Variants in SCNN1B observed in about 807,000 individuals in gnomAD.
SCNN1B encodes the protein sodium channel epithelial 1 subunit beta, also known as epithelial sodium channel subunit beta.
A neutral mutation model predicts 65.3 loss-of-function variants in SCNN1B; 46 were observed. The observed-to-expected ratio is 0.70, with a 90% confidence interval of 0.56 to 0.90. The LOEUF is 0.90. SCNN1B is among the 40% of genes least tolerant of loss of function. The pLI is 0.00. For synonymous variants in SCNN1B, 349 were observed against 330.6 expected, an observed-to-expected ratio of 1.06 and a Z score of -0.60; for missense variants, 751 against 830.5, an observed-to-expected ratio of 0.90 and a Z score of 1.18.
At chr16:23,337,371 TTTC>T (rs1961963722) in intron 1 of SCNN1B, among the ~76,000 whole-genome samples, 1 of 121,200 alleles carries the variant, frequency 8.3e-6, no homozygotes, top group African/African-American at 4.2e-5. Context: ...TTTCTCTTTC[TTTC>T]TTTTTTTTTT....
intron 2 of SCNN1B, among the ~76,000 whole-genome samples, chr16:23,290,387 A>C (rs1450480931): frequency 1.3e-5 from 2 of 152,182 alleles, no homozygotes; most frequent in African/African-American, 4.8e-5. Context: ...GGCTCACTGC[A>C]GCCTCAACCT....
rs937111643 is a variant in SCNN1B, at chr16:23,337,440, C to G, written c.-8-11152C>G. Among the ~76,000 whole-genome samples the G allele has an allele frequency of 2.1e-5, 3 of 142,818 alleles. No individual in the cohort carries two copies. In the Admixed American group the frequency reaches 2.2e-4, roughly 10 times the overall value. The allele number at this position is 142,818 out of a possible 152,430, so 93.7% of individuals were successfully genotyped here. A position where few individuals can be genotyped will look rare whatever the true frequency, so the allele number is the denominator to read the frequency against. On this transcript the variant is annotated intron_variant, in intron 1 of 12. Transcript: ENST00000343070. ...CCAGGCTGGAGTGCAGTGGTATGAT[C>G]TCGGCTCACTGCAACCTCCACCTCC...
intron 4 of SCNN1B, among the ~76,000 whole-genome samples, chr16:23,364,237 T>C (rs1255210090): frequency 6.6e-6 from 1 of 152,196 alleles, no homozygotes; most frequent in Non-Finnish European, 1.5e-5. Flanking sequence ...GAAAATTCTA[T>C]TACTATTAGT....
intron 2 of SCNN1B, among the ~76,000 whole-genome samples, chr16:23,293,231 A>G (rs1327312890): frequency 4.6e-5 from 7 of 151,836 alleles, no homozygotes; most frequent in Admixed American, 4.6e-4. Flanking sequence ...TAGGAGCATT[A>G]TTCACAGTCG....
At chr16:23,356,624 TTAA>T (rs1442603379) in intron 4 of SCNN1B, among the ~76,000 whole-genome samples, 1 of 42,778 alleles carries the variant, frequency 2.3e-5, no homozygotes, top group Non-Finnish European at 3.6e-5. Context: ...ACCCTGTCTC[TTAA>T]AAAAAAAAAA....
chr16:23,288,618 A>T (rs1960883916), intron 2 of SCNN1B, among the ~76,000 whole-genome samples: 1 of 152,166 alleles, frequency 6.6e-6, no homozygotes, highest in Non-Finnish European at 1.5e-5. Context: ...AGCCTGAGCA[A>T]CATGGCGAAA....
chr16:23,302,442 G>C lies in SCNN1B; in HGVS notation c.-9+5G>C, dbSNP rs1350392876. The C allele has an allele frequency of 1.9e-5, 3 of 154,444 alleles. No homozygotes were observed. The highest frequency in any genetic ancestry group is 7.2e-5 in the African/African-American group (3 of 41,492). The allele number at this position is 154,444 out of a possible 1,614,324, so 9.6% of individuals were successfully genotyped here. A position where few individuals can be genotyped will look rare whatever the true frequency, so the allele number is the denominator to read the frequency against. The stretch of plus-strand genomic sequence containing the variant: ...CCCGCTCCGCCGCCCGAGCAGGTAT[G>C]ACGGCGAACCCTGGCTCGCACCCGG... On this transcript the variant is annotated splice_donor_5th_base_variant and intron_variant, in intron 1 of 12. Coordinates refer to ENST00000343070, the MANE Select transcript of SCNN1B (RefSeq NM_000336.3).
rs72654338 is a variant in SCNN1B at position 23,367,959 on chromosome 16, G to T, written c.880G>T (p.Gly294Cys). The change falls in exon 5 of 13, where the codon GGC (glycine) becomes TGC (cysteine). Residue 294 changes from glycine (G) to cysteine (C), a missense_variant and splice_region_variant. Gly to Cys is a radical substitution (Grantham distance 159, BLOSUM62 -3). Coordinates refer to ENST00000343070, the MANE Select transcript of SCNN1B (RefSeq NM_000336.3). ...LPSANPGTEF[G>C]LKLILDIGQE... is the part of the protein sequence containing the mutation. ...TTCGGCCAACCCTGGAACTGAATTC[G>T]GTGAGTTTTGGTTTATCGTGGGGCC... 1.2e-6 allele frequency: 2 copies of T among 1,609,718 alleles called. No individual in the cohort carries two copies. The highest frequency in any genetic ancestry group is 1.7e-6 in the Non-Finnish European group (2 of 1,176,128).
intron 10 of SCNN1B, 84 bp downstream of exon 10, chr16:23,377,470 T>C: frequency 7.7e-7 from 1 of 1,293,744 alleles, no homozygotes; most frequent in Non-Finnish European, 1.1e-6. Flanking sequence ...ATTTGGAAAT[T>C]TGAAGGGGGT....
At chr16:23,378,670 G>A (rs768358805) in intron 10 of SCNN1B, 36 bp from the exon 11 acceptor site, 47 of 1,608,648 alleles carry the variant, frequency 2.9e-5, no homozygotes, top group Non-Finnish European at 3.1e-5. Flanking sequence ...GGATGCTGCA[G>A]ATGGCAACTT....
intron 1 of SCNN1B, among the ~76,000 whole-genome samples, chr16:23,318,707 A>G (rs148567563): frequency 2.6e-5 from 4 of 152,378 alleles, no homozygotes; most frequent in African/African-American, 7.2e-5. Flanking sequence ...AGATGAGATC[A>G]TGTGAGTAAA....
chr16:23,375,856 G>C lies in SCNN1B; in HGVS notation c.1270+1G>C. 1 of 1,593,134 alleles carries C rather than the reference G, an allele frequency of 6.3e-7. No individual in the cohort carries two copies. The highest frequency in any genetic ancestry group is 8.6e-7 in the Non-Finnish European group (1 of 1,160,806). On this transcript the variant is annotated splice_donor_variant, in intron 8 of 12. Coordinates refer to ENST00000343070, the MANE Select transcript of SCNN1B (RefSeq NM_000336.3). LOFTEE classifies it high-confidence loss of function. ...AACAACCGGGACTTCCCAGACTGGG[G>C]TGAGCGGGGGCACGGGGGATCGGCA...
At chr16:23,344,769 G>A (rs894136867) in intron 1 of SCNN1B, among the ~76,000 whole-genome samples, 1 of 152,148 alleles carries the variant, frequency 6.6e-6, no homozygotes, top group African/African-American at 2.4e-5. Context: ...CAATGCGGGT[G>A]GATCGCTTGA....
intron 1 of SCNN1B, among the ~76,000 whole-genome samples, chr16:23,336,204 C>T (rs1253822229): frequency 2.6e-5 from 4 of 152,148 alleles, no homozygotes; most frequent in South Asian, 2.1e-4. Context: ...GCTCTAAATT[C>T]GCTGTGTAAT....
intron 1 of SCNN1B, among the ~76,000 whole-genome samples, chr16:23,279,064 G>T (rs572018761): frequency 7.1e-6 from 1 of 140,350 alleles, no homozygotes; most frequent in Non-Finnish European, 1.5e-5. Flanking sequence ...TGAAAATTTT[G>T]TGTGTGTGGG....
At chr16:23,365,610 A>G (rs1962649669) in intron 4 of SCNN1B, among the ~76,000 whole-genome samples, 2 of 68,190 alleles carry the variant, frequency 2.9e-5, no homozygotes, top group Non-Finnish European at 6.7e-5. Context: ...AGAAAGAAAG[A>G]AAGAAAGAAA....
intron 1 of SCNN1B, among the ~76,000 whole-genome samples, chr16:23,326,205 A>G (rs1961693750): frequency 6.6e-6 from 1 of 152,122 alleles, no homozygotes; most frequent in Admixed American, 6.5e-5. Flanking sequence ...GTTTTTTTCA[A>G]GCAGCATTCT....
upstream of SCNN1B, among the ~76,000 whole-genome samples, chr16:23,300,004 T>C (rs1431861202): frequency 6.6e-6 from 1 of 152,166 alleles, no homozygotes; most frequent in African/African-American, 2.4e-5. Context: ...TGAAATACTA[T>C]GCAGCCATAA....
intron 1 of SCNN1B, among the ~76,000 whole-genome samples, chr16:23,320,558 T>C (rs1961565991): frequency 6.6e-6 from 1 of 152,226 alleles, no homozygotes; most frequent in Non-Finnish European, 1.5e-5. Context: ...TTCCTCAAGT[T>C]CAAACCCATG....
Sources: gnomAD v4.1 joint callset for allele counts (sites outside exome capture counted in the v4.1 genomes callset) on GRCh38, gnomAD v4.1.1 for gene constraint, MANE v1.5 for transcripts, NCBI Gene and HGNC (gene_info 2026-07-23, HGNC 2026-07-21) for gene names.